The following NKAIN1 variants were observed in gnomAD, a reference collection of about 807,000 sequenced individuals.
NKAIN1 encodes the protein sodium/potassium transporting ATPase interacting 1.
In NKAIN1, 13 loss-of-function variants were observed where a neutral mutation model predicts 31.6. The observed-to-expected ratio is 0.41, with a 90% CI of 0.27 to 0.65. The LOEUF (loss-of-function observed/expected upper bound fraction) is 0.65. Among genes scored for constraint, NKAIN1 ranks in the 30% least tolerant of loss-of-function variants. NKAIN1 has a pLI of 0.30. For synonymous variants in NKAIN1, 104 were observed against 109.0 expected, an observed-to-expected ratio of 0.95 and a Z score of 0.28; for missense variants, 193 against 262.2, an observed-to-expected ratio of 0.74 and a Z score of 1.82.
In NKAIN1 at chr1:31,214,014, ATTAAT is replaced by A. The variant is rs1557658622; in HGVS notation, c.54+25475_54+25479del. Among the ~76,000 whole-genome samples, 3 of 146,496 alleles carry A rather than the reference ATTAAT, an allele frequency of 2.0e-5. No homozygotes were observed. The South Asian group carries it at 6.4e-4, about 31-fold the overall frequency. On this transcript the variant is annotated intron_variant, in intron 1 of 6. Transcript: ENST00000373736. ...GTCTCAAAAAAAGAATAAAATAAAA[ATTAAT>A]TAATTAATTAATTAATTAATTAAAC...
At chr1:31,194,004 T>C (rs1246580265) in intron 1 of NKAIN1, 1 of 152,158 alleles carries the variant, frequency 6.6e-6, no homozygotes, top group Non-Finnish European at 1.5e-5. Flanking sequence ...GAGATATTTT[T>C]ACCTAGAGAG....
chr1:31,212,781 A>G (rs1172676965), intron 1 of NKAIN1, among the ~76,000 whole-genome samples: 1 of 152,070 alleles, frequency 6.6e-6, no homozygotes, highest in Non-Finnish European at 1.5e-5. Flanking sequence ...TGGGCGGATC[A>G]CAAGGTCAGG....
chr1:31,209,401 A>AG (rs1197053305), intron 1 of NKAIN1, among the ~76,000 whole-genome samples: 1 of 152,056 alleles, frequency 6.6e-6, no homozygotes, highest in Non-Finnish European at 1.5e-5. Flanking sequence ...AAACAAAAAA[A>AG]CAACCAGCAG....
chr1:31,213,494 G>A (rs879411496), intron 1 of NKAIN1, among the ~76,000 whole-genome samples: 10 of 152,180 alleles, frequency 6.6e-5, no homozygotes, highest in East Asian at 1.9e-4. Context: ...AAAATGGTGC[G>A]ACTGCTGTGG....
chr1:31,189,784 T>A (rs573269289), intron 1 of NKAIN1, among the ~76,000 whole-genome samples: 45 of 152,318 alleles, frequency 3.0e-4, no homozygotes, highest in African/African-American at 1.1e-3. Flanking sequence ...CCCCTGAGAA[T>A]CACCCTAGAT....
At chr1:31,203,337 C>T (rs1645398031) in intron 1 of NKAIN1, among the ~76,000 whole-genome samples, 2 of 38,936 alleles carry the variant, frequency 5.1e-5, no homozygotes, top group Non-Finnish European at 4.5e-4. Flanking sequence ...GAAGGGGTCA[C>T]AGTCAATGAC....
chr1:31,238,584 C>T (rs950844928), intron 1 of NKAIN1, among the ~76,000 whole-genome samples: 36 of 152,220 alleles, frequency 2.4e-4, no homozygotes, highest in African/African-American at 8.7e-4. Flanking sequence ...TAGTCCACTA[C>T]AGTCACTCCT....
chr1:31,227,965 G>C (rs1052398738), intron 1 of NKAIN1, among the ~76,000 whole-genome samples: 1 of 152,166 alleles, frequency 6.6e-6, no homozygotes, highest in Non-Finnish European at 1.5e-5. Context: ...AGTGCTGGCT[G>C]TTAGAAGCCT....
intron 1 of NKAIN1, among the ~76,000 whole-genome samples, chr1:31,230,433 G>A (rs936542566): frequency 6.6e-6 from 1 of 152,206 alleles, no homozygotes; most frequent in African/African-American, 2.4e-5. Context: ...CCACCTCCTT[G>A]TCTCTGGATT....
rs77753398 is a variant in NKAIN1, at chr1:31,235,021, C to T, written c.54+4473G>A. 7.5e-3 allele frequency among the ~76,000 whole-genome samples: 1,146 copies of T among 152,294 alleles called. 22 individuals are homozygous for T. Among genetic ancestry groups the T allele is most frequent in the African/African-American group, 0.026 (1,084 of 41,556 alleles). ...AAGAAGGATGAAAGCAGTAAAAGAGCTAACGTTTATTGATCATTTAACATG... is the reference window on the plus strand; with the variant it reads ...AAGAAGGATGAAAGCAGTAAAAGAGTTAACGTTTATTGATCATTTAACATG... On this transcript the variant is annotated intron_variant, in intron 1 of 6. Coordinates refer to ENST00000373736, the MANE Select transcript of NKAIN1 (RefSeq NM_024522.3).
At chr1:31,238,890 A>G (rs1326337583) in intron 1 of NKAIN1, among the ~76,000 whole-genome samples, 1 of 152,178 alleles carries the variant, frequency 6.6e-6, no homozygotes, top group African/African-American at 2.4e-5. Flanking sequence ...AGGAAGGTGA[A>G]GGGAGGCAGA....
intron 1 of NKAIN1, among the ~76,000 whole-genome samples, chr1:31,197,305 G>A (rs1484868236): frequency 2.0e-5 from 3 of 151,696 alleles, no homozygotes; most frequent in African/African-American, 7.3e-5. Context: ...TAGAGACGGG[G>A]TTTCATCGTG....
intron 2 of NKAIN1, 113 bp from the exon 3 acceptor site, chr1:31,185,440 T>G: frequency 5.1e-6 from 4 of 781,510 alleles, no homozygotes; most frequent in South Asian, 1.6e-5. Context: ...ATTATGAGAA[T>G]ACCTCACTCA....
Position 31,232,424 on chromosome 1 carries a change from T to TAG in NKAIN1, c.54+7068_54+7069dup, listed in dbSNP as rs34605060. Among the ~76,000 whole-genome samples, 121 of 16,904 alleles carry TAG rather than the reference T, an allele frequency of 7.2e-3. 5 individuals carry two copies. Among genetic ancestry groups the TAG allele is most frequent in the Non-Finnish European group, 9.7e-3 (85 of 8,746 alleles). 11.1% of individuals were successfully genotyped at this position (16,904 alleles called of 152,430 possible). A position where few individuals can be genotyped will look rare whatever the true frequency, so the allele number is the denominator to read the frequency against. ...ATATATATATATATATATATATATA[T>TAG]AGAGAGAGAGAGAGAGAGAGAGAGA... On this transcript the variant is annotated intron_variant, in intron 1 of 6. Transcript: ENST00000373736.
At chr1:31,191,131 A>G (rs1188147344) in intron 1 of NKAIN1, among the ~76,000 whole-genome samples, 1 of 152,178 alleles carries the variant, frequency 6.6e-6, no homozygotes, top group African/African-American at 2.4e-5. Flanking sequence ...TCTCTACTGA[A>G]AATACGAAAG....
intron 1 of NKAIN1, among the ~76,000 whole-genome samples, chr1:31,206,268 T>C (rs1570464183): frequency 4.7e-5 from 2 of 42,554 alleles, no homozygotes; most frequent in African/African-American, 9.6e-5. Flanking sequence ...TAAAAATAAA[T>C]AAACTCTCTG....
intron 1 of NKAIN1, among the ~76,000 whole-genome samples, chr1:31,217,853 C>T (rs1645525048): frequency 6.6e-6 from 1 of 152,072 alleles, no homozygotes. Flanking sequence ...AAACAAAGGG[C>T]TGCAGGGATG....
At chr1:31,205,992 G>A (rs536286125) in intron 1 of NKAIN1, among the ~76,000 whole-genome samples, 2 of 151,462 alleles carry the variant, frequency 1.3e-5, no homozygotes, top group East Asian at 3.9e-4. Flanking sequence ...CCAGCACTTT[G>A]GGAGGCTGAG....
intron 1 of NKAIN1, among the ~76,000 whole-genome samples, chr1:31,217,776 A>G (rs957414298): frequency 4.6e-5 from 7 of 152,176 alleles, no homozygotes; most frequent in Admixed American, 4.6e-4. Context: ...GGCAGTGAGG[A>G]AAGGAGACAG....
Sources: gnomAD v4.1 joint callset for allele counts (sites outside exome capture counted in the v4.1 genomes callset) on GRCh38, gnomAD v4.1.1 for gene constraint, MANE v1.5 for transcripts, NCBI Gene and HGNC (gene_info 2026-07-23, HGNC 2026-07-21) for gene names.